HLA-DRB1: variants seen among roughly 807,000 people sequenced by gnomAD.
HLA-DRB1 encodes major histocompatibility complex, class II, DR beta 1.
HLA-DRB1 carries 10 observed loss-of-function variants against 27.9 expected under a neutral mutation model. The observed-to-expected ratio is 0.36, with a 90% CI of 0.22 to 0.61. HLA-DRB1 has a LOEUF of 0.61. HLA-DRB1 is among the 20% of genes least tolerant of loss of function. The pLI, the probability that HLA-DRB1 is intolerant of heterozygous loss-of-function variation, is 0.73. For synonymous variants in HLA-DRB1, 57 were observed against 126.7 expected (o/e 0.45, Z 3.69); for missense variants, 118 against 306.3 (o/e 0.39, Z 4.59).
chr6:32,586,378 A>T (rs72850289), intron 1 of HLA-DRB1, among the ~76,000 whole-genome samples: 12,853 of 90,874 alleles, frequency 0.14, 2,355 homozygotes, highest in Non-Finnish European at 0.15. Flanking sequence ...ACTCCACCAA[A>T]CCCAGCACTT....
chr6:32,588,450 C>T (rs9270198), intron 1 of HLA-DRB1, among the ~76,000 whole-genome samples: 23,497 of 56,770 alleles, frequency 0.41, 8,365 homozygotes, highest in Middle Eastern at 0.75. Context: ...CCAGGCCCTA[C>T]CTCAAAAAGA....
chr6:32,581,506 C>A (rs34450868), intron 3 of HLA-DRB1, 51 bp downstream of exon 3: 14,929 of 660,412 alleles, frequency 0.023, 11 homozygotes, highest in Admixed American at 0.074. Context: ...GGGATTAGCA[C>A]GGTCCCCTTC....
Position 32,579,120 on chromosome 6 carries a change from G to T in HLA-DRB1, c.788-16C>A, listed in dbSNP as rs117417462. On this transcript the variant is annotated splice_polypyrimidine_tract_variant and intron_variant, in intron 5 of 5. Coordinates refer to ENST00000360004, the Ensembl canonical transcript of HLA-DRB1. ...CTCAGGAATCCTGCAAAAGACAGAG[G>T]AGAGTGTTGTTTTCAACCTGGCTCT... is the stretch of plus-strand genomic sequence containing the variant. 3.2e-6 allele frequency: 3 copies of T among 936,372 alleles called. No individual in the cohort carries two copies. In the African/African-American group the frequency reaches 6.6e-5, roughly 21 times the overall value. The allele number at this position is 936,372 out of a possible 1,614,324, so 58.0% of individuals were successfully genotyped here.
intron 1 of HLA-DRB1, among the ~76,000 whole-genome samples, chr6:32,587,826 C>A (rs9270163): frequency 8.9e-6 from 1 of 111,964 alleles, no homozygotes; most frequent in African/African-American, 3.7e-5. Flanking sequence ...GTCTCCTCTA[C>A]TCTTGTGTAA....
At position 32,579,093 on chromosome 6, in the gene HLA-DRB1, A is replaced by G. The variant is rs1315450590; in HGVS notation, c.799T>C (p.Ter267ArgextTer18). 20 of 900,440 alleles carry G rather than the reference A, an allele frequency of 2.2e-5. 5 individuals are homozygous for G. In the Admixed American group the frequency reaches 7.3e-4, roughly 33 times the overall value. The allele number at this position is 900,440 out of a possible 1,614,324, so 55.8% of individuals were successfully genotyped here. ...CCTTGAATGTGGTCATCTGCATTTCAGCTCAGGAATCCTGCAAAAGACAGA... is the reference window on the plus strand; with the variant it reads ...CCTTGAATGTGGTCATCTGCATTTCGGCTCAGGAATCCTGCAAAAGACAGA... The change falls in exon 6 of 6, where the codon TGA becomes CGA. Residue 267 changes from the stop codon to arginine (R), a stop_lost. Transcript: ENST00000360004.
exon 1 of HLA-DRB1, chr6:32,589,815 C>T (rs1161801407): frequency 0.066 from 25,438 of 382,862 alleles, 199 homozygotes; most frequent in East Asian, 0.1. Context: ...TGAACCCCTC[C>T]ACCCACATTC....
intron 2 of HLA-DRB1, among the ~76,000 whole-genome samples, chr6:32,582,357 A>G (rs1369946943): frequency 7.9e-6 from 1 of 126,466 alleles, no homozygotes; most frequent in South Asian, 2.7e-4. Context: ...TTCTCACTCC[A>G]TTCCACTGTG....
Position 32,580,745 on chromosome 6 carries a change from C to A in HLA-DRB1, c.763+1G>T, listed in dbSNP as rs35121789. 3 of 1,551,246 alleles carry A rather than the reference C, an allele frequency of 1.9e-6. No individual in the cohort carries two copies. Among genetic ancestry groups the A allele is most frequent in the Non-Finnish European group, 8.8e-7 (1 of 1,132,158 alleles). ...AGAGCCAGCTCCCAAAGGCTCCTCA[C>A]CTTTCTGATTCCTGAAGTAGATGAA... On this transcript the variant is annotated splice_donor_variant, in intron 4 of 5. Coordinates refer to ENST00000360004, the Ensembl canonical transcript of HLA-DRB1. LOFTEE classifies it high-confidence loss of function.
chr6:32,589,025 T>C (rs28724223), intron 1 of HLA-DRB1, among the ~76,000 whole-genome samples: 2 of 88,694 alleles, frequency 2.3e-5, no homozygotes, highest in Admixed American at 1.4e-4. Context: ...TCAGCTTCAG[T>C]TCCAGGGACT....
At chr6:32,588,090 C>T (rs5000804) in intron 1 of HLA-DRB1, among the ~76,000 whole-genome samples, 27,410 of 145,950 alleles carry the variant, frequency 0.19, 2,587 homozygotes, top group African/African-American at 0.21. Context: ...TTTTTCTCCT[C>T]CTTCTAGTTG....
chr6:32,589,093 A>G (rs28724227), intron 1 of HLA-DRB1, among the ~76,000 whole-genome samples: 34,625 of 83,454 alleles, frequency 0.41, 6,925 homozygotes, highest in Admixed American at 0.47. Context: ...ACCTACATAC[A>G]CTACAGGGAT....
At chr6:32,583,092 G>A (rs35213978) in intron 2 of HLA-DRB1, among the ~76,000 whole-genome samples, 4,786 of 89,330 alleles carry the variant, frequency 0.054, no homozygotes, top group Admixed American at 0.089. Context: ...ATAGTACAAA[G>A]AACGCAGAAA....
intron 1 of HLA-DRB1, among the ~76,000 whole-genome samples, chr6:32,585,906 A>C (rs9270046): frequency 0.63 from 70,481 of 111,900 alleles, 22,028 homozygotes; most frequent in Middle Eastern, 0.77. Flanking sequence ...ATTGAAATTG[A>C]ATACTGAAAT....
chr6:32,584,775 A>T, intron 1 of HLA-DRB1, among the ~76,000 whole-genome samples: 1 of 79,712 alleles, frequency 1.3e-5, no homozygotes. Flanking sequence ...CACCGCGTTC[A>T]CCCTGTGAAC....
chr6:32,586,346 G>C (rs9270073), intron 1 of HLA-DRB1, among the ~76,000 whole-genome samples: 1 of 73,862 alleles, frequency 1.4e-5, no homozygotes. Context: ...CTACCTGGAT[G>C]CTCCATTGAC....
chr6:32,581,723 C>T (rs746709087), exon 3 of HLA-DRB1: 6 of 1,400,376 alleles, frequency 4.3e-6, no homozygotes, highest in Non-Finnish European at 2.0e-6. Context: ...CCTGGCCGTT[C>T]AGGAACCACC....
At position 32,589,623 on chromosome 6, in the gene HLA-DRB1, CACCCGCA is replaced by C; in HGVS notation, c.100+13_100+19del. On this transcript the variant is annotated intron_variant, in intron 1 of 5. Transcript: ENST00000360004. ...TTTTCCCCACCCCATAGTAGCTCAGCACCCGCAATGTGCACTTACGTCGGGTGTCCCC... is the reference window on the plus strand; with the variant it reads ...TTTTCCCCACCCCATAGTAGCTCAGCATGTGCACTTACGTCGGGTGTCCCC... 1.3e-6 allele frequency: 1 copy of C among 770,572 alleles called. No homozygotes were observed. 47.7% of individuals were successfully genotyped at this position (770,572 alleles called of 1,614,324 possible).
intron 1 of HLA-DRB1, among the ~76,000 whole-genome samples, chr6:32,589,181 T>A (rs1776982371): frequency 1.7e-5 from 1 of 59,084 alleles, no homozygotes; most frequent in African/African-American, 7.0e-5. Flanking sequence ...TCCTCACATA[T>A]GAGGACTATG....
At chr6:32,589,211 T>C (rs796858131) in intron 1 of HLA-DRB1, among the ~76,000 whole-genome samples, 25 of 94,656 alleles carry the variant, frequency 2.6e-4, no homozygotes, top group South Asian at 7.4e-4. Flanking sequence ...AAAGGTCCTG[T>C]GGGGAACCTA....
Sources: gnomAD v4.1 joint callset for allele counts (sites outside exome capture counted in the v4.1 genomes callset) on GRCh38, gnomAD v4.1.1 for gene constraint, MANE v1.5 for transcripts, NCBI Gene and HGNC (gene_info 2026-07-23, HGNC 2026-07-21) for gene names.